RAB38: variants seen among roughly 807,000 people sequenced by gnomAD.
The protein encoded by RAB38 is ras-related protein Rab-38.
In RAB38, 15 loss-of-function variants were observed where a neutral mutation model predicts 18.4. The observed-to-expected ratio is 0.82, with a 90% CI of 0.55 to 1.26. RAB38 has a LOEUF of 1.26. Among genes scored for constraint, RAB38 ranks in the 50% most tolerant of loss-of-function variants. The pLI, the probability that RAB38 is intolerant of heterozygous loss-of-function variation, is 0.00. For missense variants in RAB38, 294 were observed against 267.4 expected (o/e 1.10, Z -0.69); for synonymous variants, 101 against 104.4 (o/e 0.97, Z 0.20).
At chr11:88,140,449 A>G (rs1336696858) in intron 2 of RAB38, among the ~76,000 whole-genome samples, 1 of 152,256 alleles carries the variant, frequency 6.6e-6, no homozygotes, top group Non-Finnish European at 1.5e-5. Flanking sequence ...ATTCTTTTCC[A>G]TCCAATAAAC....
At chr11:88,097,745 A>T in the RAB38 span, among the ~76,000 whole-genome samples, 1 of 151,898 alleles carries the variant, frequency 6.6e-6, no homozygotes, top group African/African-American at 2.4e-5. Context: ...CACAAGTAGA[A>T]GTCCTAAAAA....
the RAB38 span, among the ~76,000 whole-genome samples, chr11:88,096,888 G>A: frequency 6.6e-6 from 1 of 151,758 alleles, no homozygotes; most frequent in East Asian, 1.9e-4. Context: ...TTTCAGTGGT[G>A]TGGTCATGGA....
chr11:87,889,628 C>T, the RAB38 span, among the ~76,000 whole-genome samples: 2 of 151,758 alleles, frequency 1.3e-5, no homozygotes, highest in African/African-American at 4.8e-5. Flanking sequence ...GCATTTTCTC[C>T]AATTTTGTAA....
chr11:87,878,099 C>T, the RAB38 span, among the ~76,000 whole-genome samples: 5,522 of 148,848 alleles, frequency 0.037, 347 homozygotes, highest in African/African-American at 0.13. Context: ...GTTGGTGGGG[C>T]TAGGATCAGA....
chr11:87,818,559 C>T, the RAB38 span, among the ~76,000 whole-genome samples: 1 of 152,158 alleles, frequency 6.6e-6, no homozygotes, highest in Non-Finnish European at 1.5e-5. Context: ...AGGCTTGACA[C>T]ATGATCTATG....
chr11:87,865,993 C>T, the RAB38 span, among the ~76,000 whole-genome samples: 1 of 151,634 alleles, frequency 6.6e-6, no homozygotes, highest in South Asian at 2.1e-4. Context: ...ATTTGTTAGC[C>T]TTTGCAATAG....
intron 2 of RAB38, among the ~76,000 whole-genome samples, chr11:88,145,368 C>T (rs1229636846): frequency 6.6e-6 from 1 of 152,134 alleles, no homozygotes; most frequent in East Asian, 1.9e-4. Flanking sequence ...AGGCTGGTCT[C>T]GAACTCCTGA....
chr11:88,098,987 T>C, the RAB38 span, among the ~76,000 whole-genome samples: 1 of 152,006 alleles, frequency 6.6e-6, no homozygotes, highest in Admixed American at 6.6e-5. Context: ...ATTCTTTTTA[T>C]AAAAGCTAAT....
chr11:88,117,951 T>C (rs991372314), intron 2 of RAB38, among the ~76,000 whole-genome samples: 1 of 152,208 alleles, frequency 6.6e-6, no homozygotes, highest in Non-Finnish European at 1.5e-5. Context: ...CATTCCTTCA[T>C]TTTGCAGTTG....
At chr11:87,955,478 CT>C in the RAB38 span, among the ~76,000 whole-genome samples, 1 of 152,112 alleles carries the variant, frequency 6.6e-6, no homozygotes, top group South Asian at 2.1e-4. Context: ...CATAACGAAC[CT>C]GCACATGTAC....
chr11:87,910,254 T>C, the RAB38 span, among the ~76,000 whole-genome samples: 6 of 152,120 alleles, frequency 3.9e-5, no homozygotes, highest in African/African-American at 1.4e-4. Context: ...AATCCACCTA[T>C]GTGTCTTTTT....
the RAB38 span, among the ~76,000 whole-genome samples, chr11:87,825,744 A>T: frequency 6.6e-6 from 1 of 152,112 alleles, no homozygotes; most frequent in East Asian, 1.9e-4. Flanking sequence ...GTTTGGAAGG[A>T]TGTAGAGAAA....
the RAB38 span, among the ~76,000 whole-genome samples, chr11:88,025,151 G>A: frequency 6.6e-6 from 1 of 151,344 alleles, no homozygotes; most frequent in African/African-American, 2.4e-5. Context: ...TACTATGTAG[G>A]TGGCTGTGTA....
the RAB38 span, among the ~76,000 whole-genome samples, chr11:88,078,648 T>C: frequency 6.6e-6 from 1 of 151,950 alleles, no homozygotes; most frequent in Non-Finnish European, 1.5e-5. Flanking sequence ...CTGTATGTTC[T>C]CACTCATATT....
chr11:88,074,325 A>G, the RAB38 span, among the ~76,000 whole-genome samples: 1 of 152,208 alleles, frequency 6.6e-6, no homozygotes, highest in African/African-American at 2.4e-5. Flanking sequence ...AGAAACAACA[A>G]TAGCTACAGC....
At chr11:88,015,092 T>C in the RAB38 span, among the ~76,000 whole-genome samples, 1 of 152,020 alleles carries the variant, frequency 6.6e-6, no homozygotes, top group East Asian at 1.9e-4. Flanking sequence ...ATAAAATCTC[T>C]CTACAATGTT....
chr11:88,110,088 A>G (rs1300988355), downstream of RAB38, among the ~76,000 whole-genome samples: 3 of 152,218 alleles, frequency 2.0e-5, no homozygotes, highest in Non-Finnish European at 2.9e-5. Flanking sequence ...TTGCAGCACT[A>G]TTCCCAATAG....
the RAB38 span, among the ~76,000 whole-genome samples, chr11:87,853,333 C>T: frequency 8.6e-4 from 131 of 152,228 alleles, 1 homozygote; most frequent in African/African-American, 2.9e-3. Flanking sequence ...GTGAGGCCTC[C>T]ATGTTAAGAT....
At chr11:87,917,734 G>T in the RAB38 span, among the ~76,000 whole-genome samples, 1 of 151,904 alleles carries the variant, frequency 6.6e-6, no homozygotes, top group South Asian at 2.1e-4. Context: ...TTCCTCATTG[G>T]TGCAGTCAGT....
Sources: gnomAD v4.1 joint callset for allele counts (sites outside exome capture counted in the v4.1 genomes callset) on GRCh38, gnomAD v4.1.1 for gene constraint, MANE v1.5 for transcripts, NCBI Gene and HGNC (gene_info 2026-07-23, HGNC 2026-07-21) for gene names.